Variants in PIK3C3 observed in about 807,000 individuals in gnomAD.
PIK3C3 encodes phosphatidylinositol 3-kinase catalytic subunit type 3, also known as PI3-kinase type 3.
In PIK3C3, 95 loss-of-function variants were observed where a neutral mutation model predicts 126.1. The ratio of observed to expected loss-of-function variants is 0.75; its 90% CI spans 0.64 to 0.89. The LOEUF (loss-of-function observed/expected upper bound fraction) is 0.89, where lower values mean the gene tolerates loss of function less well. PIK3C3 is among the 40% of genes least tolerant of loss of function. The pLI is 0.00. For synonymous variants in PIK3C3, 374 were observed against 360.0 expected, an observed-to-expected ratio of 1.04 and a Z score of -0.44; for missense variants, 829 against 1,063.2, an observed-to-expected ratio of 0.78 and a Z score of 3.06.
At chr18:42,015,377 A>G (rs902063264) in intron 11 of PIK3C3, 99 bp from the exon 12 acceptor site, 2 of 850,478 alleles carry the variant, frequency 2.4e-6, no homozygotes, top group African/African-American at 3.4e-5. Flanking sequence ...TGTTGCATTA[A>G]CTAGACACAA....
chr18:41,989,105 T>G (rs1036348451), intron 5 of PIK3C3, among the ~76,000 whole-genome samples: 1 of 152,130 alleles, frequency 6.6e-6, no homozygotes, highest in African/African-American at 2.4e-5. Context: ...TTGTTTTTTT[T>G]GGGGGACAAG....
chr18:41,990,337 T>A, intron 5 of PIK3C3, 122 bp from the exon 6 acceptor site: 1 of 645,922 alleles, frequency 1.5e-6, no homozygotes, highest in Non-Finnish European at 2.7e-6. Flanking sequence ...TAAAAATGTG[T>A]TATGTTTTGA....
chr18:42,083,442 G>A lies in PIK3C3; in HGVS notation c.*2305G>A, dbSNP rs568009544. The A allele has an allele frequency of 1.3e-5, 2 of 152,258 alleles. No individual in the cohort carries two copies. Among genetic ancestry groups the A allele is most frequent in the African/African-American group, 4.8e-5 (2 of 41,548 alleles). The allele number at this position is 152,258 out of a possible 1,614,324, so 9.4% of individuals were successfully genotyped here. ...TGAGAGGAGAAGAGAGAATGTAGAT[G>A]GCAGTTATTGAGAGTGGGGCTATAG... On this transcript the variant is annotated 3_prime_UTR_variant, in exon 25 of 25. Transcript: ENST00000262039.
chr18:42,052,331 G>A (rs1365087941), intron 21 of PIK3C3, among the ~76,000 whole-genome samples: 1 of 152,104 alleles, frequency 6.6e-6, no homozygotes, highest in Non-Finnish European at 1.5e-5. Flanking sequence ...CCACTAGAGG[G>A]TGCTCCAGAT....
intron 15 of PIK3C3, among the ~76,000 whole-genome samples, chr18:42,030,254 T>G (rs1012136268): frequency 1.3e-5 from 2 of 152,226 alleles, no homozygotes; most frequent in African/African-American, 4.8e-5. Flanking sequence ...TTGTAACTGT[T>G]CTCTCCTGGC....
chr18:42,070,531 T>TA (rs372327379), intron 24 of PIK3C3: 5 of 151,132 alleles, frequency 3.3e-5, no homozygotes, highest in Admixed American at 3.3e-4. Flanking sequence ...AAGAGGTTGA[T>TA]AAAAAGTAGT....
At chr18:42,036,567 C>G (rs1000230864) in intron 16 of PIK3C3, among the ~76,000 whole-genome samples, 2 of 151,894 alleles carry the variant, frequency 1.3e-5, no homozygotes, top group Non-Finnish European at 2.9e-5. Context: ...TCCAGAATAT[C>G]CATCTTAGCA....
chr18:42,070,925 A>G (rs1207377173), intron 24 of PIK3C3, among the ~76,000 whole-genome samples: 1 of 152,202 alleles, frequency 6.6e-6, no homozygotes, highest in Non-Finnish European at 1.5e-5. Flanking sequence ...GGATCATTTT[A>G]TACACATTAA....
chr18:42,059,428 G>A (rs1985217653), intron 22 of PIK3C3, among the ~76,000 whole-genome samples: 2 of 152,286 alleles, frequency 1.3e-5, no homozygotes, highest in South Asian at 2.1e-4. Context: ...AATAGTCAAA[G>A]CCCATAGAAA....
At chr18:42,044,012 T>C (rs993877397) in intron 20 of PIK3C3, among the ~76,000 whole-genome samples, 195 bp downstream of exon 20, 1 of 152,234 alleles carries the variant, frequency 6.6e-6, no homozygotes, top group Admixed American at 6.5e-5. Flanking sequence ...TTCTATTTAG[T>C]CTTTCATGGA....
intron 13 of PIK3C3, among the ~76,000 whole-genome samples, chr18:42,025,114 C>CA (rs1371035352): frequency 6.6e-6 from 1 of 152,072 alleles, no homozygotes; most frequent in Non-Finnish European, 1.5e-5. Flanking sequence ...GCCCGGCCAA[C>CA]ATATATTTTC....
chr18:42,043,792 C>A lies in PIK3C3; in HGVS notation c.2163C>A (p.Val721=). 6.2e-7 allele frequency: 1 copy of A among 1,612,560 alleles called. No homozygotes were observed. Among genetic ancestry groups the A allele is most frequent in the South Asian group, 1.1e-5 (1 of 90,970 alleles). The part of the protein sequence containing the change: ...ENGPNGISAE[V]MDTYVKSCAG... ...GGCCAAATGGGATTAGTGCTGAGGT[C>A]ATGGACACTTACGTTAAAAGCTGTG... The change falls in exon 20 of 25, where the codon GTC becomes GTA. Residue 721 remains valine, a synonymous_variant. Coordinates refer to ENST00000262039, the MANE Select transcript of PIK3C3 (RefSeq NM_002647.4).
At position 42,004,766 on chromosome 18, in the gene PIK3C3, C is replaced by T. The variant is rs541916789; in HGVS notation, c.1170+225C>T. 9.2e-5 allele frequency among the ~76,000 whole-genome samples: 14 copies of T among 152,232 alleles called. No homozygotes were observed. The East Asian group carries it at 1.2e-3, about 13-fold the overall frequency. On this transcript the variant is annotated intron_variant, in intron 10 of 24. Transcript: ENST00000262039. ...TGAAAATTTACTTCCTGATCTGTTA[C>T]GTGGTAGGACAGTCTCTCCCAGGAC... is the stretch of plus-strand genomic sequence containing the variant.
At chr18:41,971,765 A>G (rs1980677628) in intron 4 of PIK3C3, among the ~76,000 whole-genome samples, 1 of 152,032 alleles carries the variant, frequency 6.6e-6, no homozygotes. Flanking sequence ...AAGAATAAAG[A>G]ATAATATTTT....
At chr18:42,021,844 T>C (rs141741299) in intron 13 of PIK3C3, among the ~76,000 whole-genome samples, 45 of 152,296 alleles carry the variant, frequency 3.0e-4, no homozygotes, top group African/African-American at 1.0e-3. Context: ...TTTAAGGTGC[T>C]AAGTATAATG....
intron 3 of PIK3C3, among the ~76,000 whole-genome samples, chr18:41,963,275 C>T (rs1031185490): frequency 6.6e-6 from 1 of 152,176 alleles, no homozygotes; most frequent in South Asian, 2.1e-4. Context: ...ATAGGAAAGA[C>T]AGATAAATAT....
At chr18:42,004,208 A>G in intron 9 of PIK3C3, 148 bp from the exon 10 acceptor site, 1 of 603,296 alleles carries the variant, frequency 1.7e-6, no homozygotes, top group Non-Finnish European at 2.9e-6. Context: ...CTATAAGATC[A>G]TATATATAAC....
At chr18:42,043,900 AGAACATGTT>A in intron 20 of PIK3C3, 83 bp downstream of exon 20, 1 of 847,806 alleles carries the variant, frequency 1.2e-6, no homozygotes, top group Non-Finnish European at 2.0e-6. Flanking sequence ...ATATACATTT[AGAACATGTT>A]AATATTTAAA....
intron 23 of PIK3C3, among the ~76,000 whole-genome samples, chr18:42,066,363 AACCCTAT>A (rs1458592789): frequency 6.6e-6 from 1 of 152,146 alleles, no homozygotes; most frequent in African/African-American, 2.4e-5. Context: ...CTAGTAGTGA[AACCCTAT>A]ACTTCAAACA....
Sources: allele counts gnomAD v4.1 joint callset (sites outside exome capture counted in the v4.1 genomes callset), GRCh38; gene constraint gnomAD v4.1.1; transcripts MANE v1.5; gene names NCBI Gene and HGNC (gene_info 2026-07-23, HGNC 2026-07-21).